Variants in ZNF678 observed in about 807,000 individuals in gnomAD.
The protein encoded by ZNF678 is hypothetical protein MGC42493.
A neutral mutation model predicts 3.0 loss-of-function variants in ZNF678; 5 were observed. The observed-to-expected ratio is 1.69, with a 90% CI of 0.88 to 3.56. ZNF678 has a LOEUF of 3.56. Ranked by LOEUF, ZNF678 falls within the 30% of genes most tolerant of loss-of-function variation. ZNF678 has a pLI of 0.00. For missense variants in ZNF678, 593 were observed against 605.0 expected (o/e 0.98, Z 0.21); for synonymous variants, 218 against 199.6 (o/e 1.09, Z -0.78).
chr1:227,662,137 G>A lies in ZNF678; in HGVS notation c.*6309G>A, dbSNP rs569215375. Reference sequence around the variant, plus strand: ...GATTCAAACATTAATACTTTCAAGCGTTTCTATGGTATTTGTCAGCTGTGG... The same window carrying A: ...GATTCAAACATTAATACTTTCAAGCATTTCTATGGTATTTGTCAGCTGTGG... On this transcript the variant is annotated 3_prime_UTR_variant, in exon 4 of 4. Coordinates refer to ENST00000343776, the MANE Select transcript of ZNF678 (RefSeq NM_001367909.1). The A allele has an allele frequency of 2.6e-5, 4 of 152,260 alleles. No individual in the cohort carries two copies. Among genetic ancestry groups the A allele is most frequent in the South Asian group, 4.2e-4 (2 of 4,814 alleles). The allele number at this position is 152,260 out of a possible 1,614,324, so 9.4% of individuals were successfully genotyped here. A position where few individuals can be genotyped will look rare whatever the true frequency, so the allele number is the denominator to read the frequency against.
intron 1 of ZNF678, chr1:227,598,710 T>C: frequency 1.9e-6 from 1 of 524,120 alleles, no homozygotes; most frequent in South Asian, 1.7e-5. Context: ...ATCCTTACTG[T>C]CTGATTCAGA....
At chr1:227,679,207 A>G (rs1659728495), downstream of ZNF678, among the ~76,000 whole-genome samples, 1 of 152,192 alleles carries the variant, frequency 6.6e-6, no homozygotes, top group Non-Finnish European at 1.5e-5. Flanking sequence ...AGTTAATAGT[A>G]AATAGAAAAA....
chr1:227,566,317 A>G (rs150255218), intron 1 of ZNF678, among the ~76,000 whole-genome samples: 1,561 of 152,288 alleles, frequency 0.01, 15 homozygotes, highest in Non-Finnish European at 0.016. Flanking sequence ...CCCCAATTTC[A>G]TTGCCTGGAG....
intron 1 of ZNF678, among the ~76,000 whole-genome samples, chr1:227,619,531 C>T (rs1017247292): frequency 2.0e-5 from 3 of 149,986 alleles, no homozygotes; most frequent in East Asian, 2.0e-4. Flanking sequence ...TTTTGTTTTT[C>T]GACGGAGTCT....
intron 5 of ZNF678, among the ~76,000 whole-genome samples, chr1:227,667,652 G>C (rs1659526737): frequency 6.6e-6 from 1 of 152,166 alleles, no homozygotes; most frequent in Non-Finnish European, 1.5e-5. Context: ...ATATTTCTTA[G>C]AACGATGACT....
At chr1:227,621,155 A>C (rs1658271556) in intron 1 of ZNF678, among the ~76,000 whole-genome samples, 1 of 152,214 alleles carries the variant, frequency 6.6e-6, no homozygotes, top group Non-Finnish European at 1.5e-5. Context: ...GTGAGGTTAG[A>C]GAATTGCTTG....
intron 1 of ZNF678, among the ~76,000 whole-genome samples, chr1:227,583,342 TTTC>T (rs1368164224): frequency 4.7e-5 from 7 of 149,494 alleles, no homozygotes; most frequent in Admixed American, 6.8e-5. Context: ...TTTCTTTTTT[TTTC>T]TTTTTTCTTT....
At position 227,595,939 on chromosome 1, in the gene ZNF678, G is replaced by A. The variant is rs190611979; in HGVS notation, c.-164+32215G>A. Among the ~76,000 whole-genome samples the A allele has an allele frequency of 1.1e-4, 17 of 152,224 alleles. No individual in the cohort carries two copies. In the East Asian group the frequency reaches 2.5e-3, roughly 22 times the overall value. ...AAAACCAAAGTGCAGATAAAGGCACGCTGTGGGTGATCAGTCCATGCTTCC... is the reference window on the plus strand; with the variant it reads ...AAAACCAAAGTGCAGATAAAGGCACACTGTGGGTGATCAGTCCATGCTTCC... On this transcript the variant is annotated intron_variant, in intron 1 of 3. Transcript: ENST00000343776.
chr1:227,634,089 C>G (rs1658616946), intron 1 of ZNF678, among the ~76,000 whole-genome samples: 1 of 152,182 alleles, frequency 6.6e-6, no homozygotes, highest in Non-Finnish European at 1.5e-5. Flanking sequence ...TTTCCAAACC[C>G]TAGCTCTGTC....
At chr1:227,639,611 G>A (rs1354556690) in intron 1 of ZNF678, among the ~76,000 whole-genome samples, 1 of 149,876 alleles carries the variant, frequency 6.7e-6, no homozygotes, top group Non-Finnish European at 1.5e-5. Context: ...TCTAAAAATG[G>A]GCACTCTTTT....
At position 227,655,295 on chromosome 1, in the gene ZNF678, T is replaced by A. The variant is rs566827675; in HGVS notation, c.1045T>A (p.Tyr349Asn). Reference sequence around the variant, plus strand: ...GAGAATTCATACTGGAGAGAAACCCTACAAATGTGAAGAATGTGGCAGAAC... The same window carrying A: ...GAGAATTCATACTGGAGAGAAACCCAACAAATGTGAAGAATGTGGCAGAAC... ...HKRIHTGEKP[Y>N]KCEECGRTFT... is the part of the protein sequence containing the mutation. The change falls in exon 4 of 4, where the codon TAC becomes AAC. Residue 349 changes from tyrosine to asparagine, a missense_variant. Coordinates refer to ENST00000343776, the MANE Select transcript of ZNF678 (RefSeq NM_001367909.1). The A allele has an allele frequency of 2.8e-5, 45 of 1,611,296 alleles. No homozygotes were observed. The South Asian group carries it at 4.7e-4, about 17-fold the overall frequency.
chr1:227,669,529 G>A (rs1664152851), intron 5 of ZNF678, among the ~76,000 whole-genome samples: 1 of 151,784 alleles, frequency 6.6e-6, no homozygotes. Flanking sequence ...TGCGCCTGTA[G>A]TCCCAGCTAC....
At chr1:227,569,231 C>G (rs1656774321) in intron 1 of ZNF678, among the ~76,000 whole-genome samples, 1 of 152,192 alleles carries the variant, frequency 6.6e-6, no homozygotes, top group South Asian at 2.1e-4. Context: ...CTCAAGGTTG[C>G]TTTCTACCTC....
chr1:227,667,969 A>C (rs1659537392), intron 5 of ZNF678, among the ~76,000 whole-genome samples: 1 of 152,232 alleles, frequency 6.6e-6, no homozygotes, highest in African/African-American at 2.4e-5. Context: ...TTTATTGAAA[A>C]TACAGATTTA....
intron 1 of ZNF678, among the ~76,000 whole-genome samples, chr1:227,637,214 G>A (rs1217073896): frequency 6.6e-6 from 1 of 152,186 alleles, no homozygotes; most frequent in Non-Finnish European, 1.5e-5. Flanking sequence ...ATAGGGTCTT[G>A]GGCAGTTGTA....
rs1658739030 is a variant in ZNF678 at position 227,638,580 on chromosome 1, G to A, written c.-163-7964G>A. Among the ~76,000 whole-genome samples, 1 of 152,164 alleles carries A rather than the reference G, an allele frequency of 6.6e-6. No individual in the cohort carries two copies. Among genetic ancestry groups the A allele is most frequent in the South Asian group, 2.1e-4 (1 of 4,824 alleles). On this transcript the variant is annotated intron_variant, in intron 1 of 3. Transcript: ENST00000343776. The surrounding 1 kb of genome is among the most constrained non-coding windows in gnomAD (Gnocchi z 4.2). ...ACAGCGGGGTTGACTACAGATGGGG[G>A]ATAAGGAAAAGTTGCATGTTTTAAG...
downstream of ZNF678, among the ~76,000 whole-genome samples, chr1:227,678,764 AACTCAATT>A (rs1659722392): frequency 6.6e-6 from 1 of 152,224 alleles, no homozygotes; most frequent in Non-Finnish European, 1.5e-5. Context: ...TACATATGTT[AACTCAATT>A]GGAGTCCCTA....
In ZNF678 at chr1:227,661,259, G is replaced by T. The variant is rs915893458; in HGVS notation, c.*5431G>T. 6.6e-6 allele frequency: 1 copy of T among 151,732 alleles called. No homozygotes were observed. The allele number at this position is 151,732 out of a possible 1,614,324, so 9.4% of individuals were successfully genotyped here. A position where few individuals can be genotyped will look rare whatever the true frequency, so the allele number is the denominator to read the frequency against. Reference sequence around the variant, plus strand: ...CCTTCTCAGATATTTTGTTGAACGTGGGACCTTTGTTTTTTTTTGTTGTTT... The same window carrying T: ...CCTTCTCAGATATTTTGTTGAACGTTGGACCTTTGTTTTTTTTTGTTGTTT... On this transcript the variant is annotated 3_prime_UTR_variant, in exon 4 of 4. Coordinates refer to ENST00000343776, the MANE Select transcript of ZNF678 (RefSeq NM_001367909.1).
chr1:227,671,268 CAG>C (rs1314861716), intron 5 of ZNF678, among the ~76,000 whole-genome samples: 2 of 151,712 alleles, frequency 1.3e-5, no homozygotes, highest in African/African-American at 4.8e-5. Flanking sequence ...ATTGTAGAGA[CAG>C]GACCTTGCCA....
Sources: gnomAD v4.1 joint callset for allele counts (sites outside exome capture counted in the v4.1 genomes callset) on GRCh38, gnomAD v4.1.1 for gene constraint, Gnocchi (gnomAD v3.1) non-coding constraint, MANE v1.5 for transcripts, NCBI Gene and HGNC (gene_info 2026-07-23, HGNC 2026-07-21) for gene names.